The following EML5 variants were observed in gnomAD, a reference collection of about 807,000 sequenced individuals.
The protein encoded by EML5 is echinoderm microtubule-associated protein-like 5.
A neutral mutation model predicts 250.0 loss-of-function variants in EML5; 120 were observed. That is an observed-to-expected ratio of 0.48 (90% confidence interval 0.41 to 0.56). The LOEUF (loss-of-function observed/expected upper bound fraction) is 0.56. Ranked by LOEUF, EML5 falls within the 20% of genes least tolerant of loss-of-function variation. The pLI, the probability that EML5 is intolerant of heterozygous loss-of-function variation, is 0.00. For missense variants in EML5, 2,006 were observed against 2,437.6 expected, an observed-to-expected ratio of 0.82 and a Z score of 3.73; for synonymous variants, 771 against 806.5, an observed-to-expected ratio of 0.96 and a Z score of 0.75.
chr14:88,777,414 C>A (rs2094456971), intron 1 of EML5, among the ~76,000 whole-genome samples: 2 of 152,162 alleles, frequency 1.3e-5, no homozygotes, highest in Non-Finnish European at 2.9e-5. Context: ...CCAGACCTGT[C>A]CTACAAGAAA....
chr14:88,660,060 G>C (rs987920808), intron 25 of EML5, among the ~76,000 whole-genome samples: 1 of 152,032 alleles, frequency 6.6e-6, no homozygotes, highest in African/African-American at 2.4e-5. Context: ...AGGATCACCT[G>C]GGTTCAGGAG....
At position 88,740,436 on chromosome 14, in the gene EML5, T is replaced by C. The variant is rs767929001; in HGVS notation, c.662A>G (p.Tyr221Cys). ...TATAAGATTGATTCCTTTCCAAACA[T>C]ATATATCCCCATTGAGTGCACCAGA... ...TYSGALNGDI[Y>C]VWKGINLIRT... Residue 221 changes from tyrosine to cysteine, a missense_variant, in exon 5 of 44, where the codon TAT becomes TGT. Tyr to Cys is a radical substitution (Grantham distance 194). This residue lies in a region of EML5 where 1,375 missense variants were observed against 1,590.3 expected (regional missense o/e 0.86). Transcript: ENST00000554922. 6.2e-7 allele frequency: 1 copy of C among 1,613,754 alleles called. No homozygotes were observed. Among genetic ancestry groups the C allele is most frequent in the Admixed American group, 1.7e-5 (1 of 60,002 alleles).
chr14:88,774,406 T>C (rs966315545), intron 1 of EML5, among the ~76,000 whole-genome samples: 5 of 152,204 alleles, frequency 3.3e-5, no homozygotes, highest in Admixed American at 1.3e-4. Context: ...TAGTTATACA[T>C]TGGAACGAAT....
At chr14:88,641,291 G>T (rs1163834170) in intron 31 of EML5, among the ~76,000 whole-genome samples, 2 of 151,828 alleles carry the variant, frequency 1.3e-5, no homozygotes, top group Non-Finnish European at 2.9e-5. Context: ...ACAAAAACCT[G>T]CCAAAGACAT....
chr14:88,688,700 T>C (rs1394548308), intron 17 of EML5, among the ~76,000 whole-genome samples: 1 of 152,226 alleles, frequency 6.6e-6, no homozygotes. Flanking sequence ...CTAAGTCTGT[T>C]TTAATCAGCC....
chr14:88,652,637 A>G (rs963648435), intron 27 of EML5, among the ~76,000 whole-genome samples: 1 of 152,104 alleles, frequency 6.6e-6, no homozygotes, highest in Non-Finnish European at 1.5e-5. Context: ...CTAACTTCTC[A>G]TAATAAAGTT....
At chr14:88,658,849 G>A (rs956072833) in intron 25 of EML5, among the ~76,000 whole-genome samples, 61 of 152,096 alleles carry the variant, frequency 4.0e-4, no homozygotes, top group South Asian at 2.1e-4. Context: ...AAAGACAATG[G>A]TTATGCAGAT....
intron 1 of EML5, among the ~76,000 whole-genome samples, chr14:88,784,449 G>A: frequency 6.6e-6 from 1 of 150,378 alleles, no homozygotes; most frequent in African/African-American, 2.4e-5. Flanking sequence ...AAATGAAAAA[G>A]GAGACATTAC....
chr14:88,730,915 T>C (rs567244475), intron 7 of EML5, among the ~76,000 whole-genome samples: 40 of 152,288 alleles, frequency 2.6e-4, no homozygotes, highest in Non-Finnish European at 5.9e-5. Context: ...TGTATTATTC[T>C]TTAGCACGTA....
intron 7 of EML5, among the ~76,000 whole-genome samples, chr14:88,734,903 A>G (rs2093815430): frequency 6.6e-6 from 1 of 152,214 alleles, no homozygotes; most frequent in African/African-American, 2.4e-5. Context: ...ACATATCAGC[A>G]AACGCAATAT....
At chr14:88,732,285 G>A (rs2093772110) in intron 7 of EML5, among the ~76,000 whole-genome samples, 1 of 152,094 alleles carries the variant, frequency 6.6e-6, no homozygotes, top group Non-Finnish European at 1.5e-5. Context: ...TCTACATATG[G>A]CTAGCCAGTT....
intron 27 of EML5, 74 bp from the exon 28 acceptor site, chr14:88,650,000 G>T: frequency 9.2e-7 from 1 of 1,086,252 alleles, no homozygotes; most frequent in Non-Finnish European, 1.2e-6. Flanking sequence ...CAGCATTTTA[G>T]CAAACAGAAG....
At chr14:88,688,500 T>C in intron 17 of EML5, 27 bp from the exon 18 acceptor site, 1 of 1,606,608 alleles carries the variant, frequency 6.2e-7, no homozygotes, top group Non-Finnish European at 8.5e-7. Flanking sequence ...ATTATGAAAG[T>C]ACCACTTTCA....
At chr14:88,742,782 T>C (rs1183143088) in intron 4 of EML5, among the ~76,000 whole-genome samples, 1 of 152,012 alleles carries the variant, frequency 6.6e-6, no homozygotes, top group African/African-American at 2.4e-5. Context: ...AAAATAAATA[T>C]TTACTACTAT....
Position 88,688,288 on chromosome 14 carries a change from T to C in EML5, c.2725A>G (p.Met909Val), listed in dbSNP as rs2092882298. The stretch of plus-strand genomic sequence containing the variant: ...TTACTTACTTTTTCCAATGCATGCA[T>C]ACTGAACACTGGCCCATCATGCGCT... ...VKAHDGPVFSMHALEKGFVTG... is the reference protein window; with the variant it reads ...VKAHDGPVFSVHALEKGFVTG... Residue 909 changes from methionine (M) to valine (V), a missense_variant, in exon 18 of 44, where the codon ATG becomes GTG. Physicochemically the swap from Met to Val is conservative, Grantham distance 21. This residue lies in a region of EML5 where 1,375 missense variants were observed against 1,590.3 expected (regional missense o/e 0.86). Transcript: ENST00000554922. 1.9e-6 allele frequency: 3 copies of C among 1,613,936 alleles called. No homozygotes were observed. The highest frequency in any genetic ancestry group is 4.5e-5 in the East Asian group (2 of 44,872).
chr14:88,645,365 T>C (rs1176762879), intron 29 of EML5, among the ~76,000 whole-genome samples: 1 of 152,188 alleles, frequency 6.6e-6, no homozygotes, highest in East Asian at 1.9e-4. Flanking sequence ...ATAATGTAAA[T>C]AACAGCACAA....
intron 8 of EML5, among the ~76,000 whole-genome samples, chr14:88,722,505 A>G (rs985905338): frequency 6.6e-6 from 1 of 152,172 alleles, no homozygotes; most frequent in African/African-American, 2.4e-5. Flanking sequence ...TCAGCAAACT[A>G]ATGCAGGAAC....
intron 8 of EML5, among the ~76,000 whole-genome samples, chr14:88,717,756 A>AAACAACAAC (rs147401940): frequency 4.0e-4 from 60 of 150,902 alleles, no homozygotes; most frequent in South Asian, 8.4e-4. Context: ...CTCCGTCTCA[A>AAACAACAAC]AACAACAACA....
intron 10 of EML5, among the ~76,000 whole-genome samples, chr14:88,711,507 A>G: frequency 6.6e-6 from 1 of 151,486 alleles, no homozygotes; most frequent in Admixed American, 6.6e-5. Flanking sequence ...ACTACCATTT[A>G]TAAAACCATT....
Sources: gnomAD v4.1 joint callset for allele counts (sites outside exome capture counted in the v4.1 genomes callset) on GRCh38, gnomAD v4.1.1 for gene constraint, gnomAD v4.1.1 regional missense constraint, MANE v1.5 for transcripts, NCBI Gene and HGNC (gene_info 2026-07-23, HGNC 2026-07-21) for gene names.